MAST4: variants seen among roughly 807,000 people sequenced by gnomAD.
MAST4 encodes microtubule associated serine/threonine kinase family member 4, also known as microtubule-associated serine/threonine-protein kinase 4.
Under a neutral mutation model 162.7 loss-of-function variants are expected in MAST4, and 89 were observed. The ratio of observed to expected loss-of-function variants is 0.55; its 90% CI spans 0.46 to 0.65. MAST4 has a LOEUF of 0.65. Among genes scored for constraint, MAST4 ranks in the 30% least tolerant of loss-of-function variants. MAST4 has a pLI of 0.00. For missense variants in MAST4, 3,153 were observed against 3,374.0 expected (o/e 0.93, Z 1.62); for synonymous variants, 1,479 against 1,361.1 (o/e 1.09, Z -1.91).
In MAST4 at chr5:67,167,130, A is replaced by T; in HGVS notation, c.*79A>T. 7.7e-7 allele frequency: 1 copy of T among 1,301,934 alleles called. No homozygotes were observed. Among genetic ancestry groups the T allele is most frequent in the Non-Finnish European group, 1.0e-6 (1 of 969,156 alleles). The allele number at this position is 1,301,934 out of a possible 1,614,324, so 80.6% of individuals were successfully genotyped here. The stretch of plus-strand genomic sequence containing the variant: ...GTCTTGACTACCTTTCAAAACCAGC[A>T]CTGTGTGGGAATGTCCGCCAGGCAG... On this transcript the variant is annotated 3_prime_UTR_variant, in exon 29 of 29. Transcript: ENST00000403625.
chr5:66,637,194 C>T (rs1242562018), intron 1 of MAST4, among the ~76,000 whole-genome samples: 2 of 151,194 alleles, frequency 1.3e-5, no homozygotes, highest in Non-Finnish European at 2.9e-5. Context: ...TGTATAGATA[C>T]ACTAAAATGT....
intron 1 of MAST4, among the ~76,000 whole-genome samples, chr5:66,672,772 G>A (rs896546110): frequency 3.3e-5 from 5 of 152,272 alleles, no homozygotes; most frequent in African/African-American, 4.8e-5. Context: ...TTCTGGACCC[G>A]AGTGAGGAAT....
At position 66,789,988 on chromosome 5, in the gene MAST4, ATTTTTTTTTTTT is replaced by A. The variant is rs57743987; in HGVS notation, c.642+1213_642+1224del. ...CTTTATGTTTAACATGCTTATTAGA[ATTTTTTTTTTTT>A]TTTTTTTTTTTTTTTTTTGCTGGTG... is the stretch of plus-strand genomic sequence containing the variant. On this transcript the variant is annotated intron_variant, in intron 3 of 28. Transcript: ENST00000403625. Among the ~76,000 whole-genome samples, 8 of 52,470 alleles carry A rather than the reference ATTTTTTTTTTTT, an allele frequency of 1.5e-4. No individual in the cohort carries two copies. In the East Asian group the frequency reaches 3.6e-3, roughly 24 times the overall value. The allele number at this position is 52,470 out of a possible 152,430, so 34.4% of individuals were successfully genotyped here. A position where few individuals can be genotyped will look rare whatever the true frequency, so the allele number is the denominator to read the frequency against.
chr5:67,067,521 G>A (rs1169781944), intron 5 of MAST4, among the ~76,000 whole-genome samples: 1 of 152,206 alleles, frequency 6.6e-6, no homozygotes, highest in African/African-American at 2.4e-5. Context: ...ACATCATAGT[G>A]TGTAAATACA....
At chr5:66,654,724 ATTATG>A (rs1378630486) in intron 1 of MAST4, among the ~76,000 whole-genome samples, 2 of 152,214 alleles carry the variant, frequency 1.3e-5, no homozygotes, top group Non-Finnish European at 2.9e-5. Context: ...TTTATTCAGA[ATTATG>A]TTAAGATTGT....
chr5:67,021,933 G>C (rs778665755), intron 4 of MAST4, among the ~76,000 whole-genome samples: 1 of 152,076 alleles, frequency 6.6e-6, no homozygotes, highest in African/African-American at 2.4e-5. Context: ...GAAATTATAA[G>C]AGCATTACCC....
At chr5:67,152,934 C>T (rs1466651622) in intron 25 of MAST4, 68 bp downstream of exon 25, 9 of 1,280,008 alleles carry the variant, frequency 7.0e-6, no homozygotes, top group African/African-American at 1.5e-5. Context: ...GATAGGTTGG[C>T]TGATAAATAG....
At chr5:66,865,868 A>G (rs1351026072) in intron 3 of MAST4, among the ~76,000 whole-genome samples, 1 of 152,136 alleles carries the variant, frequency 6.6e-6, no homozygotes, top group African/African-American at 2.4e-5. Context: ...TGAGGTCAGG[A>G]GTTCAAGACC....
chr5:66,904,800 C>T (rs550524973), intron 4 of MAST4, among the ~76,000 whole-genome samples: 18 of 152,164 alleles, frequency 1.2e-4, no homozygotes, highest in South Asian at 1.0e-3. Context: ...TCAGGAAGTA[C>T]GTGTGTAGAT....
At chr5:66,883,381 G>T (rs1178251103) in intron 3 of MAST4, among the ~76,000 whole-genome samples, 1 of 150,000 alleles carries the variant, frequency 6.7e-6, no homozygotes, top group Non-Finnish European at 1.5e-5. Flanking sequence ...GATAAGCCTT[G>T]GCCATTGATA....
chr5:66,679,973 C>T (rs557764334), intron 1 of MAST4, among the ~76,000 whole-genome samples: 1 of 152,276 alleles, frequency 6.6e-6, no homozygotes, highest in Admixed American at 6.5e-5. Flanking sequence ...TACACATGAA[C>T]TTACAAACTC....
chr5:66,808,961 G>A (rs1756340639), intron 3 of MAST4, among the ~76,000 whole-genome samples: 1 of 152,166 alleles, frequency 6.6e-6, no homozygotes, highest in African/African-American at 2.4e-5. Context: ...TTTTTGTATA[G>A]CACTTCACTG....
chr5:67,024,946 G>A (rs945979240), intron 4 of MAST4, among the ~76,000 whole-genome samples: 9 of 152,062 alleles, frequency 5.9e-5, no homozygotes, highest in African/African-American at 1.9e-4. Context: ...CCACGAATAT[G>A]TACAATTATT....
At chr5:66,604,559 G>A (rs758167286) in intron 1 of MAST4, among the ~76,000 whole-genome samples, 10 of 152,190 alleles carry the variant, frequency 6.6e-5, no homozygotes, top group Admixed American at 4.6e-4. Flanking sequence ...TTTTCAGTGG[G>A]CAGCAGGATC....
intron 4 of MAST4, among the ~76,000 whole-genome samples, chr5:66,911,139 A>C (rs1222304985): frequency 6.6e-6 from 1 of 152,150 alleles, no homozygotes; most frequent in African/African-American, 2.4e-5. Flanking sequence ...CATGAGACAA[A>C]CCCATGGAAA....
chr5:67,056,079 A>T (rs144857105), intron 5 of MAST4, among the ~76,000 whole-genome samples: 1 of 150,304 alleles, frequency 6.7e-6, no homozygotes, highest in Admixed American at 6.7e-5. Flanking sequence ...ACTGTATTAT[A>T]TTTTATGTAT....
intron 1 of MAST4, among the ~76,000 whole-genome samples, chr5:66,751,229 A>C (rs986283055): frequency 1.4e-4 from 22 of 152,270 alleles, no homozygotes; most frequent in South Asian, 2.1e-4. Context: ...AACTCTAAAA[A>C]GCAGAGCGCC....
chr5:66,977,250 G>A lies in MAST4; in HGVS notation c.675-77154G>A, dbSNP rs566694437. 3.6e-3 allele frequency among the ~76,000 whole-genome samples: 553 copies of A among 152,170 alleles called. 2 individuals are homozygous for A. Among genetic ancestry groups the A allele is most frequent in the African/African-American group, 0.011 (457 of 41,490 alleles). ...CTAGTAGCTGGGATTACAGGCATGC[G>A]CCACCACGCCTGGCTAATTTTGTGT... On this transcript the variant is annotated intron_variant, in intron 4 of 28. Transcript: ENST00000403625.
chr5:66,730,400 A>G (rs74845059), intron 1 of MAST4, among the ~76,000 whole-genome samples: 30 of 152,246 alleles, frequency 2.0e-4, no homozygotes, highest in African/African-American at 6.7e-4. Context: ...TCTACTGTTC[A>G]GGATGGGATT....
Sources: allele counts gnomAD v4.1 joint callset (sites outside exome capture counted in the v4.1 genomes callset), GRCh38; gene constraint gnomAD v4.1.1; transcripts MANE v1.5; gene names NCBI Gene and HGNC (gene_info 2026-07-23, HGNC 2026-07-21).